ZAP70: variants seen among roughly 807,000 people sequenced by gnomAD.
ZAP70 encodes zeta chain of T cell receptor associated protein kinase 70.
A neutral mutation model predicts 65.8 loss-of-function variants in ZAP70; 27 were observed. That is an observed-to-expected ratio of 0.41 (90% CI 0.30 to 0.57). The LOEUF is 0.57. ZAP70 is among the 20% of genes least tolerant of loss of function. ZAP70 has a pLI of 0.28. For synonymous variants in ZAP70, 363 were observed against 360.8 expected (o/e 1.01, Z -0.07); for missense variants, 696 against 870.5 (o/e 0.80, Z 2.52).
the ZAP70 span, among the ~76,000 whole-genome samples, chr2:97,750,909 A>T: frequency 6.6e-6 from 1 of 152,242 alleles, no homozygotes; most frequent in Admixed American, 6.5e-5. Context: ...TTCAGCTAAA[A>T]TTACCAACTA....
rs202064961 is a variant in ZAP70 at position 97,737,932 on chromosome 2, G to T, written c.1623+35G>T. The T allele has an allele frequency of 4.5e-5, 73 of 1,613,884 alleles. 2 individuals carry two copies. In the South Asian group the frequency reaches 7.2e-4, roughly 16 times the overall value. ...GGCAGAGGCAGGTGGGCGGTGTGGT[G>T]GGGAGGGGGATGAGGAGGAGGACAC... On this transcript the variant is annotated intron_variant, in intron 12 of 13. Coordinates refer to ENST00000264972, the MANE Select transcript of ZAP70 (RefSeq NM_001079.4). The surrounding 1 kb of genome is among the most constrained non-coding windows in gnomAD (Gnocchi z 5.0).
rs2104703501 is a variant in ZAP70, at chr2:97,737,635, A to G, written c.1452A>G (p.Lys484=). ...AGATCAGCGACTTTGGCCTCTCCAA[A>G]GCACTGGGTGCCGACGACAGCTACT... ...YAKISDFGLS[K]ALGADDSYYT... The change falls in exon 11 of 14, where the codon AAA becomes AAG. Residue 484 remains lysine, a synonymous_variant. Coordinates refer to ENST00000264972, the MANE Select transcript of ZAP70 (RefSeq NM_001079.4). The surrounding 1 kb of genome is among the most constrained non-coding windows in gnomAD (Gnocchi z 5.0). 6.2e-7 allele frequency: 1 copy of G among 1,614,074 alleles called. No individual in the cohort carries two copies. Among genetic ancestry groups the G allele is most frequent in the Non-Finnish European group, 8.5e-7 (1 of 1,179,980 alleles).
Position 97,739,363 on chromosome 2 carries a change from C to G in ZAP70, c.1737-12C>G, listed in dbSNP as rs1285474015. Reference sequence around the variant, plus strand: ...CGTGGTCAGCAGCCTGGATGTACCCCACGCCCCACAGGTGGGAGGATCGCC... The same window carrying G: ...CGTGGTCAGCAGCCTGGATGTACCCGACGCCCCACAGGTGGGAGGATCGCC... On this transcript the variant is annotated splice_polypyrimidine_tract_variant and intron_variant, in intron 13 of 13. Coordinates refer to ENST00000264972, the MANE Select transcript of ZAP70 (RefSeq NM_001079.4). 1 of 1,613,168 alleles carries G rather than the reference C, an allele frequency of 6.2e-7. No homozygotes were observed. The highest frequency in any genetic ancestry group is 1.7e-5 in the Admixed American group (1 of 60,010).
At chr2:97,748,399 C>T in the ZAP70 span, among the ~76,000 whole-genome samples, 3 of 152,204 alleles carry the variant, frequency 2.0e-5, no homozygotes, top group East Asian at 5.8e-4. Flanking sequence ...AGTCATGGCT[C>T]TTCCTTCTCT....
chr2:97,753,469 T>C, the ZAP70 span, among the ~76,000 whole-genome samples: 30 of 152,330 alleles, frequency 2.0e-4, no homozygotes, highest in Non-Finnish European at 8.8e-5. Context: ...AAAGAGACCT[T>C]AACCTTTTAG....
rs10460480 is a variant in ZAP70, at chr2:97,720,436, G to T, written c.-21-3580G>T. Among the ~76,000 whole-genome samples, 5 of 152,088 alleles carry T rather than the reference G, an allele frequency of 3.3e-5. No individual in the cohort carries two copies. In the East Asian group the frequency reaches 5.8e-4, roughly 18 times the overall value. On this transcript the variant is annotated intron_variant, in intron 2 of 13. Transcript: ENST00000264972. ...ATAGAGACGGGGTTTCACCATGTTC[G>T]CCAGGCTAGTCTCAAACTCCTGACT...
At chr2:97,742,410 A>T (rs1678154672), downstream of ZAP70, among the ~76,000 whole-genome samples, 1 of 152,246 alleles carries the variant, frequency 6.6e-6, no homozygotes, top group Admixed American at 6.5e-5. Context: ...TCTTGCTGTG[A>T]ACGTCTCATG....
chr2:97,715,172 A>G lies in ZAP70; in HGVS notation c.-22+1178A>G, dbSNP rs896021040. On this transcript the variant is annotated intron_variant, in intron 2 of 13. Coordinates refer to ENST00000264972, the MANE Select transcript of ZAP70 (RefSeq NM_001079.4). The surrounding 1 kb of genome is among the most constrained non-coding windows in gnomAD (Gnocchi z 4.1). ...GCACCCAGACCACCCCGTGCTGACCACTCCCTGCCCCACCCCAAGGTACAG... is the reference window on the plus strand; with the variant it reads ...GCACCCAGACCACCCCGTGCTGACCGCTCCCTGCCCCACCCCAAGGTACAG... Among the ~76,000 whole-genome samples the G allele has an allele frequency of 1.3e-4, 20 of 151,380 alleles. No individual in the cohort carries two copies. The highest frequency in any genetic ancestry group is 6.3e-4 in the South Asian group (3 of 4,748).
At chr2:97,744,802 A>C (rs1005343318), downstream of ZAP70, among the ~76,000 whole-genome samples, 1 of 152,200 alleles carries the variant, frequency 6.6e-6, no homozygotes, top group African/African-American at 2.4e-5. Flanking sequence ...AAAACAAACA[A>C]AAAGTCAGAC....
At chr2:97,739,130 G>A (rs771379090) in intron 13 of ZAP70, among the ~76,000 whole-genome samples, 2 of 152,160 alleles carry the variant, frequency 1.3e-5, no homozygotes, top group East Asian at 1.9e-4. Flanking sequence ...GTCAACGCTC[G>A]GTAGAGGGGT....
chr2:97,749,360 T>C, the ZAP70 span, among the ~76,000 whole-genome samples: 2 of 152,218 alleles, frequency 1.3e-5, no homozygotes, highest in Non-Finnish European at 2.9e-5. Context: ...CATAGTGCGC[T>C]GTCTGTGTGG....
intron 13 of ZAP70, chr2:97,738,373 T>C (rs530451850): frequency 5.6e-5 from 30 of 537,722 alleles, no homozygotes; most frequent in South Asian, 5.0e-4. Context: ...ACTCAACACA[T>C]GGACCCTGCA....
rs1677598186 is a variant in ZAP70 at position 97,731,362 on chromosome 2, G to C, written c.564-1521G>C. ...AATGTTTTGTGGGAGATGTTGACTG[G>C]TGTCACTGCGGGGTTTCACGTGACG... On this transcript the variant is annotated intron_variant, in intron 4 of 13. Transcript: ENST00000264972. The surrounding 1 kb of genome is among the most constrained non-coding windows in gnomAD (Gnocchi z 4.0). Among the ~76,000 whole-genome samples the C allele has an allele frequency of 6.6e-6, 1 of 152,048 alleles. No individual in the cohort carries two copies. Among genetic ancestry groups the C allele is most frequent in the South Asian group, 2.1e-4 (1 of 4,812 alleles).
intron 2 of ZAP70, among the ~76,000 whole-genome samples, chr2:97,717,776 C>G (rs1170083043): frequency 6.6e-6 from 1 of 152,010 alleles, no homozygotes; most frequent in African/African-American, 2.4e-5. Flanking sequence ...CTCTTTTTTC[C>G]TTTGAAGCAT....
intron 4 of ZAP70, among the ~76,000 whole-genome samples, chr2:97,730,001 C>CT (rs112454432): frequency 0.12 from 17,676 of 152,028 alleles, 1,133 homozygotes; most frequent in African/African-American, 0.16. Flanking sequence ...CTGAGGCAGG[C>CT]GGATCGTCTA....
In ZAP70 at chr2:97,737,521, C is replaced by G. The variant is rs1056183383; in HGVS notation, c.1338C>G (p.Ser446=). 3 of 1,614,102 alleles carry G rather than the reference C, an allele frequency of 1.9e-6. No homozygotes were observed. The highest frequency in any genetic ancestry group is 1.7e-6 in the Non-Finnish European group (2 of 1,179,974). Reference sequence around the variant, plus strand: ...TGGCCGAGCTGCTGCACCAGGTGTCCATGGGGATGAAGTACCTGGAGGAGA... The same window carrying G: ...TGGCCGAGCTGCTGCACCAGGTGTCGATGGGGATGAAGTACCTGGAGGAGA... ...SNVAELLHQV[S]MGMKYLEEKN... is the part of the protein sequence containing the mutation. Residue 446 remains serine, a synonymous_variant, in exon 11 of 14, where the codon TCC becomes TCG. Coordinates refer to ENST00000264972, the MANE Select transcript of ZAP70 (RefSeq NM_001079.4). This position sits in a 1 kb window ranked among gnomAD's most constrained non-coding sequence, Gnocchi z 5.0.
chr2:97,717,841 A>T (rs1238017694), intron 2 of ZAP70, among the ~76,000 whole-genome samples: 1 of 152,182 alleles, frequency 6.6e-6, no homozygotes, highest in Non-Finnish European at 1.5e-5. Flanking sequence ...GCCTTTACCC[A>T]GGGAGGCTGG....
Position 97,724,354 on chromosome 2 carries a change from G to C in ZAP70, c.318G>C (p.Ser106=). The change falls in exon 3 of 14, where the codon TCG becomes TCC. Residue 106 remains serine, a synonymous_variant. Transcript: ENST00000264972. The part of the protein sequence containing the change: ...CNLRKPCNRP[S]GLEPQPGVFD... The stretch of plus-strand genomic sequence containing the variant: ...TGCGCAAGCCGTGCAACCGGCCGTC[G>C]GGCCTCGAGCCGCAGCCGGGGGTCT... 1.9e-6 allele frequency: 3 copies of C among 1,552,640 alleles called. No homozygotes were observed. The East Asian group carries it at 6.9e-5, about 36-fold the overall frequency.
In ZAP70 at chr2:97,732,607, G is replaced by T. The variant is rs551232903; in HGVS notation, c.564-276G>T. ...CGTGGCTGGGTGTCCACCGTGGGGG[G>T]TCAGGTATTCCCCGTGAATGGCCAT... On this transcript the variant is annotated intron_variant, in intron 4 of 13. Coordinates refer to ENST00000264972, the MANE Select transcript of ZAP70 (RefSeq NM_001079.4). 28 of 546,562 alleles carry T rather than the reference G, an allele frequency of 5.1e-5. 1 individual carries two copies. The South Asian group carries it at 5.5e-4, about 11-fold the overall frequency. 33.9% of individuals were successfully genotyped at this position (546,562 alleles called of 1,614,324 possible).
Sources: gnomAD v4.1 joint callset for allele counts (sites outside exome capture counted in the v4.1 genomes callset) on GRCh38, gnomAD v4.1.1 for gene constraint, Gnocchi (gnomAD v3.1) non-coding constraint, MANE v1.5 for transcripts, NCBI Gene and HGNC (gene_info 2026-07-23, HGNC 2026-07-21) for gene names.